C11orf65: variants seen among roughly 807,000 people sequenced by gnomAD.
C11orf65 encodes the protein chromosome 11 open reading frame 65.
A neutral mutation model predicts 35.3 loss-of-function variants in C11orf65; 38 were observed. The ratio of observed to expected loss-of-function variants is 1.08; its 90% CI spans 0.83 to 1.41. C11orf65 has a LOEUF of 1.41. Among genes scored for constraint, C11orf65 ranks in the 40% most tolerant of loss-of-function variants. The pLI is 0.00. For synonymous variants in C11orf65, 105 were observed against 114.4 expected, an observed-to-expected ratio of 0.92 and a Z score of 0.53; for missense variants, 370 against 367.1, an observed-to-expected ratio of 1.01 and a Z score of -0.06.
intron 2 of C11orf65, chr11:108,343,445 T>C: frequency 1.9e-6 from 3 of 1,564,210 alleles, no homozygotes; most frequent in South Asian, 2.3e-5. Flanking sequence ...CTGTCAGATA[T>C]TATAGAATAC....
At chr11:108,372,153 ACT>A (rs1156524685) in intron 2 of C11orf65, among the ~76,000 whole-genome samples, 4 of 151,942 alleles carry the variant, frequency 2.6e-5, no homozygotes, top group Admixed American at 2.0e-4. Flanking sequence ...TAAACTTATA[ACT>A]CTTTGTAACA....
At chr11:108,393,920 C>T (rs769201103) in intron 6 of C11orf65, among the ~76,000 whole-genome samples, 3 of 152,000 alleles carry the variant, frequency 2.0e-5, no homozygotes, top group African/African-American at 4.8e-5. Flanking sequence ...CGGTGGCTCA[C>T]GCCTATAATC....
downstream of C11orf65, among the ~76,000 whole-genome samples, chr11:108,327,103 C>T (rs1031931843): frequency 2.6e-5 from 4 of 152,192 alleles, no homozygotes; most frequent in Non-Finnish European, 5.9e-5. Flanking sequence ...GCTGGGATTA[C>T]AGGCGTGAGC....
In C11orf65 at chr11:108,450,892, A is replaced by T. The variant is rs571433390; in HGVS notation, c.81+10587T>A. ...AAATGTAATCCAGCATATAAACAGA[A>T]CCAATTACAAAAACCACATGATTAT... On this transcript the variant is annotated intron_variant, in intron 2 of 8. Transcript: ENST00000393084. Among the ~76,000 whole-genome samples the T allele has an allele frequency of 1.1e-4, 17 of 152,150 alleles. No homozygotes were observed. In the South Asian group the frequency reaches 3.1e-3, roughly 28 times the overall value.
Position 108,316,004 on chromosome 11 carries a change from C to G in C11orf65, c.641-6933G>C, listed in dbSNP as rs1173338615. 6.2e-7 allele frequency: 1 copy of G among 1,613,784 alleles called. No homozygotes were observed. Among genetic ancestry groups the G allele is most frequent in the Non-Finnish European group, 8.5e-7 (1 of 1,179,734 alleles). ...CCCAAAGCTATTTTCACAATCTTTT[C>G]TTATAGACTACGAACATATGAACAC... On this transcript the variant is annotated intron_variant, in intron 6 of 6. Coordinates refer to the C11orf65 transcript ENST00000525729.
chr11:108,358,882 A>G (rs1331670586), intron 2 of C11orf65, among the ~76,000 whole-genome samples: 2 of 152,050 alleles, frequency 1.3e-5, no homozygotes, highest in African/African-American at 4.8e-5. Flanking sequence ...AAGAAACTGC[A>G]TCAACTAACG....
intron 6 of C11orf65, among the ~76,000 whole-genome samples, chr11:108,316,463 C>T (rs2084660080): frequency 6.6e-6 from 1 of 152,106 alleles, no homozygotes; most frequent in Admixed American, 6.5e-5. Context: ...CTTATGTAAA[C>T]TATTTCTCAT....
intron 2 of C11orf65, among the ~76,000 whole-genome samples, chr11:108,373,659 GC>G (rs2091633358): frequency 6.6e-6 from 1 of 152,242 alleles, no homozygotes; most frequent in East Asian, 1.9e-4. Context: ...ACTAGGGAGT[GC>G]CAGACAGTAG....
At chr11:108,373,564 A>G (rs2091629543) in intron 2 of C11orf65, among the ~76,000 whole-genome samples, 1 of 152,236 alleles carries the variant, frequency 6.6e-6, no homozygotes, top group Non-Finnish European at 1.5e-5. Context: ...CCAAATAGGA[A>G]CAGCTCCGGT....
chr11:108,320,410 G>A (rs888012049), intron 6 of C11orf65, among the ~76,000 whole-genome samples: 1 of 152,124 alleles, frequency 6.6e-6, no homozygotes, highest in Non-Finnish European at 1.5e-5. Context: ...TTACAAACTT[G>A]TTTTGAGGCA....
chr11:108,441,359 G>A (rs954842505), intron 2 of C11orf65, among the ~76,000 whole-genome samples: 6 of 152,348 alleles, frequency 3.9e-5, no homozygotes, highest in East Asian at 1.9e-4. Context: ...ACAGTTCAAG[G>A]AGGCCTGCCT....
chr11:108,396,870 T>TAAATAAATA lies in C11orf65; in HGVS notation c.561-3493_561-3492insTATTTATTT, dbSNP rs71942809. On this transcript the variant is annotated intron_variant, in intron 6 of 8. Transcript: ENST00000393084. Reference sequence around the variant, plus strand: ...ATAAATAAATAAATAAATAAATAAATAAATAAAATAAAATAGTTACTATTA... The same window carrying TAAATAAATA: ...ATAAATAAATAAATAAATAAATAAATAAATAAATAAAATAAAATAAAATAGTTACTATTA... 4.7e-3 allele frequency among the ~76,000 whole-genome samples: 677 copies of TAAATAAATA among 144,902 alleles called. 2 individuals carry two copies. Among genetic ancestry groups the TAAATAAATA allele is most frequent in the Middle Eastern group, 0.011 (3 of 280 alleles).
At chr11:108,357,588 C>G (rs1481559640) in intron 2 of C11orf65, among the ~76,000 whole-genome samples, 2 of 152,206 alleles carry the variant, frequency 1.3e-5, no homozygotes, top group Non-Finnish European at 2.9e-5. Context: ...CAGCACGCAG[C>G]TGGAGATCGG....
chr11:108,337,081 G>C (rs1370210845), intron 2 of C11orf65, among the ~76,000 whole-genome samples: 2 of 151,934 alleles, frequency 1.3e-5, no homozygotes, highest in Non-Finnish European at 2.9e-5. Flanking sequence ...CCCTAAATAG[G>C]GGAGTGAAGA....
intron 2 of C11orf65, among the ~76,000 whole-genome samples, chr11:108,451,304 C>G (rs1354250502): frequency 1.3e-5 from 2 of 151,968 alleles, no homozygotes; most frequent in African/African-American, 4.8e-5. Context: ...GCAACTTCAG[C>G]AAAGTCTCAA....
chr11:108,384,784 C>CA (rs2091950126), intron 8 of C11orf65, among the ~76,000 whole-genome samples: 1 of 151,912 alleles, frequency 6.6e-6, no homozygotes, highest in Non-Finnish European at 1.5e-5. Flanking sequence ...AAAACAAAAA[C>CA]AAAAACAAAC....
At chr11:108,463,781 T>C (rs2093500035) in intron 1 of C11orf65, among the ~76,000 whole-genome samples, 1 of 152,156 alleles carries the variant, frequency 6.6e-6, no homozygotes, top group Non-Finnish European at 1.5e-5. Context: ...CAAACTATTT[T>C]CCAAAATAAA....
chr11:108,381,566 T>C (rs2091865287), downstream of C11orf65, among the ~76,000 whole-genome samples: 1 of 152,188 alleles, frequency 6.6e-6, no homozygotes. Context: ...CACAAAAGTT[T>C]TTTGGCTTTT....
At chr11:108,334,115 T>C in intron 3 of C11orf65, 1 of 668,892 alleles carries the variant, frequency 1.5e-6, no homozygotes, top group Non-Finnish European at 2.6e-6. Context: ...CAGTATTATA[T>C]TTCCTTTGCC....
Sources: allele counts gnomAD v4.1 joint callset (sites outside exome capture counted in the v4.1 genomes callset), GRCh38; gene constraint gnomAD v4.1.1; transcripts MANE v1.5; gene names NCBI Gene and HGNC (gene_info 2026-07-23, HGNC 2026-07-21).